Variants in GRIN2B observed in about 807,000 individuals in gnomAD.
The protein encoded by GRIN2B is glutamate ionotropic receptor NMDA type subunit 2B, also known as glutamate receptor ionotropic, NMDA 2B.
In GRIN2B, 5 loss-of-function variants were observed where a neutral mutation model predicts 114.5. That is an observed-to-expected ratio of 0.04 (90% CI 0.02 to 0.09). The LOEUF (loss-of-function observed/expected upper bound fraction) is 0.09. Ranked by LOEUF, GRIN2B falls within the 10% of genes least tolerant of loss-of-function variation. The pLI is 1.00. For synonymous variants in GRIN2B, 787 were observed against 745.1 expected (o/e 1.06, Z -0.92); for missense variants, 1,108 against 1,943.5 (o/e 0.57, Z 8.08).
At chr12:13,971,340 C>T (rs2136871915) in intron 2 of GRIN2B, among the ~76,000 whole-genome samples, 1 of 152,168 alleles carries the variant, frequency 6.6e-6, no homozygotes, top group East Asian at 1.9e-4. Context: ...TTTTTTCTTG[C>T]CTCTGTACAT....
chr12:13,893,955 AATG>A (rs1866310762), intron 2 of GRIN2B, among the ~76,000 whole-genome samples: 1 of 152,096 alleles, frequency 6.6e-6, no homozygotes, highest in Non-Finnish European at 1.5e-5. Flanking sequence ...GAGAAACCAC[AATG>A]AAGAAACCTG....
intron 2 of GRIN2B, among the ~76,000 whole-genome samples, chr12:13,896,363 CAAG>C (rs1866354184): frequency 6.6e-6 from 1 of 152,098 alleles, no homozygotes; most frequent in Non-Finnish European, 1.5e-5. Flanking sequence ...GGAATAGACT[CAAG>C]AAGAGGATAG....
intron 3 of GRIN2B, among the ~76,000 whole-genome samples, chr12:13,771,827 C>A (rs1863915046): frequency 1.3e-5 from 2 of 152,242 alleles, no homozygotes; most frequent in South Asian, 4.1e-4. Context: ...TTGTCCTCAT[C>A]ATCTAAGCAT....
chr12:13,625,913 C>A (rs901782455), intron 5 of GRIN2B, among the ~76,000 whole-genome samples: 14 of 152,270 alleles, frequency 9.2e-5, no homozygotes, highest in Non-Finnish European at 1.9e-4. Context: ...GGCATTAATT[C>A]TTTTAGGTCA....
intron 3 of GRIN2B, among the ~76,000 whole-genome samples, chr12:13,805,001 C>A (rs1456149502): frequency 6.6e-6 from 1 of 152,166 alleles, no homozygotes; most frequent in Non-Finnish European, 1.5e-5. Context: ...CACAGACATA[C>A]ACAAAGCCTT....
At position 13,539,919 on chromosome 12, in the gene GRIN2B, T is replaced by A. The variant is rs914294065; in HGVS notation, c.*22864A>T. The A allele has an allele frequency of 6.6e-6, 1 of 152,214 alleles. No individual in the cohort carries two copies. The highest frequency in any genetic ancestry group is 1.5e-5 in the Non-Finnish European group (1 of 68,030). The allele number at this position is 152,214 out of a possible 1,614,324, so 9.4% of individuals were successfully genotyped here. A position where few individuals can be genotyped will look rare whatever the true frequency, so the allele number is the denominator to read the frequency against. The stretch of plus-strand genomic sequence containing the variant: ...AAGGAATTATGGCTACCTTATGATG[T>A]CACAATGGTATTGTTAAACTAAAAA... On this transcript the variant is annotated 3_prime_UTR_variant, in exon 14 of 14. Transcript: ENST00000609686.
intron 3 of GRIN2B, among the ~76,000 whole-genome samples, chr12:13,784,722 T>C (rs1213706913): frequency 6.6e-6 from 1 of 152,210 alleles, no homozygotes; most frequent in Non-Finnish European, 1.5e-5. Flanking sequence ...TAAGTCTGGC[T>C]AGCCTGCTGG....
intron 2 of GRIN2B, among the ~76,000 whole-genome samples, chr12:13,910,643 G>T (rs758429838): frequency 6.6e-6 from 1 of 152,050 alleles, no homozygotes. Flanking sequence ...CAACACTGCC[G>T]CACACCATTT....
intron 3 of GRIN2B, among the ~76,000 whole-genome samples, chr12:13,772,320 A>C (rs1863921864): frequency 6.6e-6 from 1 of 152,186 alleles, no homozygotes; most frequent in African/African-American, 2.4e-5. Flanking sequence ...GTGAAAATCT[A>C]GATTTCCTCT....
chr12:13,850,694 C>T (rs867307141), intron 3 of GRIN2B, among the ~76,000 whole-genome samples: 1 of 152,150 alleles, frequency 6.6e-6, no homozygotes, highest in South Asian at 2.1e-4. Context: ...CTCCAGTTAG[C>T]CCCTGTTGCA....
intron 2 of GRIN2B, among the ~76,000 whole-genome samples, chr12:13,965,459 G>T (rs1483216670): frequency 6.6e-6 from 1 of 151,960 alleles, no homozygotes; most frequent in Admixed American, 6.5e-5. Flanking sequence ...AAGACCTGGG[G>T]TTATTTATCA....
At chr12:13,717,744 A>C (rs1950469700) in intron 4 of GRIN2B, among the ~76,000 whole-genome samples, 1 of 152,040 alleles carries the variant, frequency 6.6e-6, no homozygotes, top group African/African-American at 2.4e-5. Context: ...CAAAAGTAAA[A>C]AGATACAAAA....
chr12:13,839,303 C>G (rs1865340181), intron 3 of GRIN2B, among the ~76,000 whole-genome samples: 1 of 152,158 alleles, frequency 6.6e-6, no homozygotes, highest in Admixed American at 6.5e-5. Context: ...TAAGAAGTAC[C>G]TGAATGAGAG....
intron 3 of GRIN2B, among the ~76,000 whole-genome samples, chr12:13,760,656 A>T (rs1863662878): frequency 6.6e-6 from 1 of 152,206 alleles, no homozygotes; most frequent in Admixed American, 6.5e-5. Context: ...GACTTTCTCC[A>T]TCAGATTAAG....
rs568707475 is a variant in GRIN2B at position 13,538,076 on chromosome 12, G to A, written c.*24707C>T. On this transcript the variant is annotated 3_prime_UTR_variant, in exon 14 of 14. Transcript: ENST00000609686. ...ATTAGTTTGCATTTGTAAAAGAATA[G>A]GGGAATAGAAATATTCAAATCAAGT... The A allele has an allele frequency of 6.6e-6, 1 of 152,304 alleles. No individual in the cohort carries two copies. The highest frequency in any genetic ancestry group is 1.9e-4 in the East Asian group (1 of 5,192). The allele number at this position is 152,304 out of a possible 1,614,324, so 9.4% of individuals were successfully genotyped here. A position where few individuals can be genotyped will look rare whatever the true frequency, so the allele number is the denominator to read the frequency against.
rs181386399 is a variant in GRIN2B, at chr12:13,960,564, A to C, written c.-19+19364T>G. On this transcript the variant is annotated intron_variant, in intron 2 of 13. Transcript: ENST00000609686. ...GGGGGCATGGAGGAGACCCCAAAGC[A>C]TCAGGCCTAAGGCACTAAAAGAAGG... Among the ~76,000 whole-genome samples the C allele has an allele frequency of 3.3e-4, 50 of 152,308 alleles. 1 individual carries two copies. In the East Asian group the frequency reaches 9.3e-3, roughly 28 times the overall value.
chr12:13,631,528 G>T (rs1208919245), intron 5 of GRIN2B, among the ~76,000 whole-genome samples: 1 of 151,612 alleles, frequency 6.6e-6, no homozygotes, highest in Non-Finnish European at 1.5e-5. Context: ...AAAAAGAAAA[G>T]AAAAAAAAGA....
chr12:13,705,523 C>A (rs959355398), intron 4 of GRIN2B, among the ~76,000 whole-genome samples: 4 of 151,980 alleles, frequency 2.6e-5, no homozygotes, highest in African/African-American at 9.7e-5. Flanking sequence ...TTGTATACCA[C>A]AAAGGGATTA....
At chr12:13,677,624 T>C (rs1950087708) in intron 4 of GRIN2B, among the ~76,000 whole-genome samples, 1 of 152,090 alleles carries the variant, frequency 6.6e-6, no homozygotes, top group Non-Finnish European at 1.5e-5. Context: ...TATCATAATA[T>C]TGGTCTTCTT....
Sources: gnomAD v4.1 joint callset for allele counts (sites outside exome capture counted in the v4.1 genomes callset) on GRCh38, gnomAD v4.1.1 for gene constraint, MANE v1.5 for transcripts, NCBI Gene and HGNC (gene_info 2026-07-23, HGNC 2026-07-21) for gene names.